OR3A2: variants seen among roughly 807,000 people sequenced by gnomAD.
OR3A2 encodes the protein olfactory receptor 3A2.
For synonymous variants in OR3A2, 126 were observed against 159.3 expected, an observed-to-expected ratio of 0.79 and a Z score of 1.57; for missense variants, 318 against 392.8, an observed-to-expected ratio of 0.81 and a Z score of 1.61.
intron 3 of OR3A2, among the ~76,000 whole-genome samples, chr17:3,329,068 A>G (rs931389323): frequency 6.6e-6 from 1 of 151,234 alleles, no homozygotes; most frequent in African/African-American, 2.4e-5. Flanking sequence ...AGCCCACTTG[A>G]TCATGGTGGA....
chr17:3,287,341 A>G (rs1022105543), upstream of OR3A2, among the ~76,000 whole-genome samples: 1 of 150,202 alleles, frequency 6.7e-6, no homozygotes, highest in Admixed American at 6.7e-5. Flanking sequence ...CCATTAAGTA[A>G]TTTATTCTCA....
chr17:3,380,538 C>A (rs1380962019), intron 2 of OR3A2, among the ~76,000 whole-genome samples: 1 of 152,196 alleles, frequency 6.6e-6, no homozygotes, highest in Non-Finnish European at 1.5e-5. Context: ...AATGCCTCCC[C>A]CACCAGTGCT....
chr17:3,369,470 T>A (rs2049592760), intron 2 of OR3A2, among the ~76,000 whole-genome samples: 1 of 152,244 alleles, frequency 6.6e-6, no homozygotes, highest in Admixed American at 6.5e-5. Flanking sequence ...TGTCAAATGC[T>A]TTTTCTGCAT....
chr17:3,332,044 G>A (rs2049239667), intron 3 of OR3A2, among the ~76,000 whole-genome samples: 1 of 152,078 alleles, frequency 6.6e-6, no homozygotes, highest in Non-Finnish European at 1.5e-5. Context: ...AGGGGTCAGG[G>A]ACCCACTTGA....
chr17:3,314,106 A>G (rs1009434815), intron 3 of OR3A2, among the ~76,000 whole-genome samples: 1 of 152,240 alleles, frequency 6.6e-6, no homozygotes, highest in Non-Finnish European at 1.5e-5. Context: ...CATGAAATGC[A>G]ATATCATTTC....
At chr17:3,326,538 CCTGT>C (rs776041342) in intron 3 of OR3A2, among the ~76,000 whole-genome samples, 25 of 149,660 alleles carry the variant, frequency 1.7e-4, no homozygotes, top group East Asian at 5.8e-4. Flanking sequence ...ATTTCTTATG[CCTGT>C]CTTTTTTTTT....
At chr17:3,379,867 C>T (rs749897036) in intron 2 of OR3A2, among the ~76,000 whole-genome samples, 19 of 152,174 alleles carry the variant, frequency 1.2e-4, no homozygotes, top group Non-Finnish European at 2.8e-4. Flanking sequence ...CACTGAGAGG[C>T]ATCTACCTCA....
At chr17:3,353,860 T>G (rs2049441243) in intron 2 of OR3A2, among the ~76,000 whole-genome samples, 1 of 150,130 alleles carries the variant, frequency 6.7e-6, no homozygotes, top group South Asian at 2.1e-4. Flanking sequence ...CATTAAGTTA[T>G]TATTGACTAT....
At chr17:3,315,957 C>T in intron 3 of OR3A2, among the ~76,000 whole-genome samples, 1 of 152,090 alleles carries the variant, frequency 6.6e-6, no homozygotes, top group East Asian at 1.9e-4. Context: ...AAGAATCAAA[C>T]CAAACAGCTC....
intron 3 of OR3A2, among the ~76,000 whole-genome samples, chr17:3,334,356 A>G (rs1421189667): frequency 6.6e-6 from 1 of 152,076 alleles, no homozygotes; most frequent in Non-Finnish European, 1.5e-5. Context: ...GTCATGAAAA[A>G]CACTATTATT....
intron 3 of OR3A2, among the ~76,000 whole-genome samples, chr17:3,324,891 G>T (rs1278564905): frequency 2.0e-5 from 3 of 152,006 alleles, no homozygotes; most frequent in African/African-American, 7.3e-5. Context: ...TTAAGTATTT[G>T]TCATAGATGC....
At chr17:3,375,916 TG>T (rs1376192059) in intron 2 of OR3A2, among the ~76,000 whole-genome samples, 1 of 152,188 alleles carries the variant, frequency 6.6e-6, no homozygotes, top group Non-Finnish European at 1.5e-5. Flanking sequence ...GGGCTGGTGC[TG>T]GGGAATGTCT....
At chr17:3,306,406 C>T (rs1485264652) in intron 3 of OR3A2, among the ~76,000 whole-genome samples, 1 of 152,014 alleles carries the variant, frequency 6.6e-6, no homozygotes, top group Non-Finnish European at 1.5e-5. Flanking sequence ...GCCTCCCAAA[C>T]TGTTGGGATT....
chr17:3,310,277 A>G (rs1184505319), intron 3 of OR3A2: 1 of 516,750 alleles, frequency 1.9e-6, no homozygotes, highest in African/African-American at 1.9e-5. Flanking sequence ...GCCCCATCTA[A>G]CACTGCTCAG....
chr17:3,312,418 G>A (rs1391713876), intron 3 of OR3A2, among the ~76,000 whole-genome samples: 3 of 152,042 alleles, frequency 2.0e-5, no homozygotes, highest in Non-Finnish European at 2.9e-5. Context: ...ACTTGTCAGA[G>A]CACCCTGCAA....
intron 3 of OR3A2, among the ~76,000 whole-genome samples, chr17:3,289,578 G>A (rs2048846032): frequency 6.6e-6 from 1 of 152,252 alleles, no homozygotes; most frequent in African/African-American, 2.4e-5. Context: ...TGTAGCCAAA[G>A]AAGTGATGGT....
Position 3,345,416 on chromosome 17 carries a change from A to T in OR3A2, c.-178-9290T>A, listed in dbSNP as rs144572777. 5.0e-3 allele frequency among the ~76,000 whole-genome samples: 575 copies of T among 115,962 alleles called. 5 individuals carry two copies. Among genetic ancestry groups the T allele is most frequent in the African/African-American group, 0.019 (546 of 28,622 alleles). The allele number at this position is 115,962 out of a possible 152,430, so 76.1% of individuals were successfully genotyped here. A position where few individuals can be genotyped will look rare whatever the true frequency, so the allele number is the denominator to read the frequency against. On this transcript the variant is annotated intron_variant, in intron 2 of 4. Coordinates refer to the OR3A2 transcript ENST00000573491. The stretch of plus-strand genomic sequence containing the variant: ...ACAAGACCAAAAACAAGAGAAAAAA[A>T]GGAAAGAGAGAGAGAGAGAGAGATA...
At chr17:3,332,514 C>T (rs1458214438) in intron 3 of OR3A2, among the ~76,000 whole-genome samples, 1 of 152,230 alleles carries the variant, frequency 6.6e-6, no homozygotes, top group African/African-American at 2.4e-5. Context: ...AACTCCCTGA[C>T]CCCTTGCACT....
chr17:3,325,203 AT>A lies in OR3A2; in HGVS notation c.-85+10829del, dbSNP rs61124691. On this transcript the variant is annotated intron_variant, in intron 3 of 4. Transcript: ENST00000573491. The stretch of plus-strand genomic sequence containing the variant: ...CAGCTTGTGTTCAAAGATCCTTCCA[AT>A]TTTTTTTTTTTTTTTTTTTTTTGAG... Among the ~76,000 whole-genome samples the A allele has an allele frequency of 9.3e-3, 1,010 of 108,530 alleles. 4 individuals are homozygous for A. The highest frequency in any genetic ancestry group is 0.015 in the East Asian group (54 of 3,560). 71.2% of individuals were successfully genotyped at this position (108,530 alleles called of 152,430 possible).
Sources: gnomAD v4.1 joint callset for allele counts (sites outside exome capture counted in the v4.1 genomes callset) on GRCh38, gnomAD v4.1.1 for gene constraint, MANE v1.5 for transcripts, NCBI Gene and HGNC (gene_info 2026-07-23, HGNC 2026-07-21) for gene names.